Variants in ITPR1 observed in about 807,000 individuals in gnomAD.
ITPR1 encodes inositol 1,4,5-trisphosphate-gated calcium channel ITPR1.
Under a neutral mutation model 318.4 loss-of-function variants are expected in ITPR1, and 96 were observed. That is an observed-to-expected ratio of 0.30 (90% CI 0.26 to 0.36). ITPR1 has a LOEUF of 0.36. Among genes scored for constraint, ITPR1 ranks in the 10% least tolerant of loss-of-function variants. ITPR1 has a pLI of 1.00. For synonymous variants in ITPR1, 1,312 were observed against 1,289.9 expected (o/e 1.02, Z -0.37); for missense variants, 2,440 against 3,460.2 (o/e 0.71, Z 7.40).
intron 20 of ITPR1, 135 bp from the exon 21 acceptor site, chr3:4,673,000 CA>C: frequency 2.3e-6 from 2 of 856,888 alleles, no homozygotes; most frequent in Admixed American, 5.8e-5. Flanking sequence ...TATACAAGAG[CA>C]ATTTAGGGGT....
intron 14 of ITPR1, among the ~76,000 whole-genome samples, chr3:4,661,348 A>G (rs998519875): frequency 6.6e-6 from 1 of 152,180 alleles, no homozygotes; most frequent in Non-Finnish European, 1.5e-5. Context: ...CTGGATTTCA[A>G]CTGCATTTCA....
At chr3:4,644,729 T>G (rs2093417020) in intron 8 of ITPR1, among the ~76,000 whole-genome samples, 1 of 152,200 alleles carries the variant, frequency 6.6e-6, no homozygotes, top group Non-Finnish European at 1.5e-5. Flanking sequence ...TAAATATTTG[T>G]CTGATGGGTA....
chr3:4,612,447 A>G (rs1469831388), intron 4 of ITPR1, among the ~76,000 whole-genome samples: 1 of 152,202 alleles, frequency 6.6e-6, no homozygotes, highest in East Asian at 1.9e-4. Context: ...CCAAAGGACA[A>G]TGGCAGTACC....
chr3:4,571,362 A>C (rs2087966222), intron 4 of ITPR1, among the ~76,000 whole-genome samples: 1 of 150,714 alleles, frequency 6.6e-6, no homozygotes, highest in Admixed American at 6.6e-5. Flanking sequence ...GTTTCTTTGG[A>C]AAGGGTCTTG....
At position 4,692,979 on chromosome 3, in the gene ITPR1, G is replaced by C. The variant is rs564040375; in HGVS notation, c.4030-511G>C. On this transcript the variant is annotated intron_variant, in intron 32 of 61. Transcript: ENST00000649015. Reference sequence around the variant, plus strand: ...CTACTAAAAATACAAAATTAGCCAGGCATGGTGGTGCATCCCTGTAATCCC... The same window carrying C: ...CTACTAAAAATACAAAATTAGCCAGCCATGGTGGTGCATCCCTGTAATCCC... 2.6e-5 allele frequency among the ~76,000 whole-genome samples: 4 copies of C among 152,260 alleles called. No individual in the cohort carries two copies. The South Asian group carries it at 8.3e-4, about 32-fold the overall frequency.
At chr3:4,578,048 A>T (rs1440883817) in intron 4 of ITPR1, among the ~76,000 whole-genome samples, 2 of 152,260 alleles carry the variant, frequency 1.3e-5, no homozygotes, top group Non-Finnish European at 2.9e-5. Context: ...TTCTATACTC[A>T]TCTTGAAATA....
chr3:4,498,496 T>C (rs974354785), intron 2 of ITPR1, among the ~76,000 whole-genome samples: 7 of 152,118 alleles, frequency 4.6e-5, no homozygotes, highest in Non-Finnish European at 1.0e-4. Flanking sequence ...AGGGACCAGA[T>C]TTTGCAGGTC....
intron 44 of ITPR1, among the ~76,000 whole-genome samples, chr3:4,748,810 A>T (rs2044292462): frequency 6.6e-6 from 1 of 152,218 alleles, no homozygotes; most frequent in South Asian, 2.1e-4. Flanking sequence ...TGCAGAGCGG[A>T]GGTTGTATAT....
chr3:4,790,668 C>T (rs867255751), intron 52 of ITPR1, among the ~76,000 whole-genome samples: 4 of 152,168 alleles, frequency 2.6e-5, no homozygotes, highest in Admixed American at 6.5e-5. Context: ...TCATTCATTT[C>T]GCTGTTTTAC....
chr3:4,757,420 C>A (rs576939996), intron 44 of ITPR1, among the ~76,000 whole-genome samples: 8 of 152,236 alleles, frequency 5.3e-5, no homozygotes, highest in South Asian at 2.1e-4. Context: ...TGCCACTATT[C>A]TTTACTGTGA....
chr3:4,639,074 TC>T (rs1188371371), intron 5 of ITPR1, among the ~76,000 whole-genome samples: 1 of 151,928 alleles, frequency 6.6e-6, no homozygotes, highest in Non-Finnish European at 1.5e-5. Flanking sequence ...ATTCCCTCCC[TC>T]CCCGACCCTA....
rs144444862 is a variant in ITPR1 at position 4,665,525 on chromosome 3, T to G, written c.1713+229T>G. Reference sequence around the variant, plus strand: ...TCTGCAGACATCTTTCTATGAGATTTCTGGTTTTGGAGTTGGTTTTACATT... The same window carrying G: ...TCTGCAGACATCTTTCTATGAGATTGCTGGTTTTGGAGTTGGTTTTACATT... On this transcript the variant is annotated intron_variant, in intron 17 of 61. Transcript: ENST00000649015. Among the ~76,000 whole-genome samples the G allele has an allele frequency of 1.5e-3, 236 of 152,316 alleles. 1 individual carries two copies. Among genetic ancestry groups the G allele is most frequent in the African/African-American group, 5.5e-3 (227 of 41,552 alleles).
At chr3:4,620,297 T>C (rs1466964956) in intron 4 of ITPR1, among the ~76,000 whole-genome samples, 2 of 152,178 alleles carry the variant, frequency 1.3e-5, no homozygotes, top group African/African-American at 4.8e-5. Flanking sequence ...CTGCAGAGCC[T>C]CAATGGTCCA....
At chr3:4,663,263 G>GCTACCACTCATGCTT in intron 16 of ITPR1, 57 bp downstream of exon 16, 3 of 1,522,034 alleles carry the variant, frequency 2.0e-6, no homozygotes, top group Non-Finnish European at 2.7e-6. Flanking sequence ...TAAAGCATGA[G>GCTACCACTCATGCTT]TGGTAGCTCA....
intron 2 of ITPR1, among the ~76,000 whole-genome samples, chr3:4,512,637 A>C (rs1389163517): frequency 6.6e-6 from 1 of 152,200 alleles, no homozygotes; most frequent in Non-Finnish European, 1.5e-5. Context: ...GATGCCCTGG[A>C]ATCTTTCAGA....
At chr3:4,516,760 C>G (rs984443400) in intron 3 of ITPR1, among the ~76,000 whole-genome samples, 177 bp downstream of exon 3, 1 of 152,188 alleles carries the variant, frequency 6.6e-6, no homozygotes, top group Admixed American at 6.5e-5. Flanking sequence ...TACAAAAACA[C>G]AATTTTCTGT....
chr3:4,795,550 G>A lies in ITPR1; in HGVS notation c.6931+363G>A, dbSNP rs191058640. Among the ~76,000 whole-genome samples the A allele has an allele frequency of 1.3e-4, 20 of 152,290 alleles. 1 individual carries two copies. Among genetic ancestry groups the A allele is most frequent in the African/African-American group, 3.6e-4 (15 of 41,564 alleles). ...CTAATGGCAGAGCTAACCCTAAAAC[G>A]TAGACGTCTTGATGCTCAGTCCAGT... On this transcript the variant is annotated intron_variant, in intron 53 of 61. Transcript: ENST00000649015.
intron 10 of ITPR1, among the ~76,000 whole-genome samples, chr3:4,646,703 G>C (rs1007993887): frequency 6.6e-6 from 1 of 152,164 alleles, no homozygotes; most frequent in Non-Finnish European, 1.5e-5. Flanking sequence ...AGAATTGCAG[G>C]ACAAAGAAGG....
intron 4 of ITPR1, among the ~76,000 whole-genome samples, chr3:4,527,301 C>T (rs1046795479): frequency 2.0e-5 from 3 of 152,168 alleles, no homozygotes; most frequent in East Asian, 1.9e-4. Context: ...CTAAGCCTCC[C>T]GAGTAGCTGG....
Sources: allele counts gnomAD v4.1 joint callset (sites outside exome capture counted in the v4.1 genomes callset), GRCh38; gene constraint gnomAD v4.1.1; transcripts MANE v1.5; gene names NCBI Gene and HGNC (gene_info 2026-07-23, HGNC 2026-07-21).